The following DTL variants were observed in gnomAD, a reference collection of about 807,000 sequenced individuals.
DTL encodes denticleless E3 ubiquitin protein ligase adapter.
DTL carries 46 observed loss-of-function variants against 87.0 expected under a neutral mutation model. That is an observed-to-expected ratio of 0.53 (90% CI 0.42 to 0.68). The LOEUF is 0.68. Ranked by LOEUF, DTL falls within the 30% of genes least tolerant of loss-of-function variation. The pLI is 0.00. For missense variants in DTL, 737 were observed against 869.4 expected (o/e 0.85, Z 1.91); for synonymous variants, 308 against 311.2 (o/e 0.99, Z 0.11).
chr1:212,093,589 A>T (rs186739350), intron 13 of DTL, among the ~76,000 whole-genome samples: 1 of 152,296 alleles, frequency 6.6e-6, no homozygotes, highest in Admixed American at 6.5e-5. Flanking sequence ...AAACTGCATC[A>T]TTCCACCGGT....
At chr1:212,050,708 G>C (rs553083019) in intron 5 of DTL, among the ~76,000 whole-genome samples, 10 of 108,720 alleles carry the variant, frequency 9.2e-5, no homozygotes, top group Admixed American at 8.3e-4. Flanking sequence ...TCTATTGGCT[G>C]TTTCTCCTTA....
rs553947506 is a variant in DTL, at chr1:212,090,778, A to G, written c.1262-9474A>G. ...GTAAAATAAAGTGGGAAGCCATGTG[A>G]GGCCTGATAACCTTAACAAATAATT... On this transcript the variant is annotated intron_variant, in intron 13 of 14. Coordinates refer to ENST00000366991, the MANE Select transcript of DTL (RefSeq NM_016448.4). 3.9e-5 allele frequency among the ~76,000 whole-genome samples: 6 copies of G among 152,362 alleles called. No homozygotes were observed. The East Asian group carries it at 7.7e-4, about 20-fold the overall frequency.
chr1:212,052,966 C>T (rs1486781091), intron 5 of DTL, among the ~76,000 whole-genome samples: 3 of 152,110 alleles, frequency 2.0e-5, no homozygotes, highest in South Asian at 2.1e-4. Context: ...GAAACTTGAA[C>T]GCATTAGCAG....
intron 5 of DTL, among the ~76,000 whole-genome samples, chr1:212,058,369 A>G (rs995653933): frequency 6.6e-6 from 1 of 152,180 alleles, no homozygotes; most frequent in African/African-American, 2.4e-5. Context: ...TCAGACCACA[A>G]TGGAATAAAA....
chr1:212,078,165 TG>T lies in DTL; in HGVS notation c.1036-6del, dbSNP rs1654888497. On this transcript the variant is annotated splice_polypyrimidine_tract_variant and splice_region_variant and intron_variant, in intron 11 of 14. Coordinates refer to ENST00000366991, the MANE Select transcript of DTL (RefSeq NM_016448.4). ...CTTTGCTGACTTGTTTGTTTTTGAT[TG>T]GACTAGGTCTCCACACCCTGGCAAC... 6.4e-7 allele frequency: 1 copy of T among 1,565,920 alleles called. No individual in the cohort carries two copies. The highest frequency in any genetic ancestry group is 8.8e-7 in the Non-Finnish European group (1 of 1,137,978).
At chr1:212,098,844 A>G (rs184520752) in intron 13 of DTL, among the ~76,000 whole-genome samples, 47 of 152,206 alleles carry the variant, frequency 3.1e-4, no homozygotes, top group African/African-American at 8.9e-4. Flanking sequence ...GAAAGCAAGC[A>G]GGGCTGTTAG....
At chr1:212,088,963 G>A (rs933026549) in intron 13 of DTL, among the ~76,000 whole-genome samples, 2 of 152,170 alleles carry the variant, frequency 1.3e-5, no homozygotes, top group African/African-American at 2.4e-5. Flanking sequence ...GCACACGCCT[G>A]TAATCCCAGC....
intron 13 of DTL, 56 bp downstream of exon 13, chr1:212,080,806 A>G (rs1654970024): frequency 6.4e-7 from 1 of 1,562,942 alleles, no homozygotes; most frequent in African/African-American, 1.4e-5. Flanking sequence ...TTAGTCCGAC[A>G]GTACAGAGTA....
At position 212,085,728 on chromosome 1, in the gene DTL, C is replaced by T. The variant is rs150700622; in HGVS notation, c.1261+4978C>T. On this transcript the variant is annotated intron_variant, in intron 13 of 14. Coordinates refer to ENST00000366991, the MANE Select transcript of DTL (RefSeq NM_016448.4). ...GAAACTATTGCCTCTTCTGAGGTAA[C>T]AAGGATTTACTCCAATGCTTTCTTC... Among the ~76,000 whole-genome samples, 79 of 152,278 alleles carry T rather than the reference C, an allele frequency of 5.2e-4. No individual in the cohort carries two copies. In the East Asian group the frequency reaches 0.014, roughly 28 times the overall value.
intron 6 of DTL, among the ~76,000 whole-genome samples, chr1:212,063,273 AT>A (rs573387443): frequency 2.0e-5 from 3 of 150,648 alleles, no homozygotes; most frequent in African/African-American, 4.9e-5. Context: ...GTTTTTAAGA[AT>A]TTTTTTTATT....
intron 13 of DTL, among the ~76,000 whole-genome samples, chr1:212,083,354 T>C (rs973147024): frequency 1.7e-4 from 26 of 152,008 alleles, no homozygotes; most frequent in African/African-American, 6.0e-4. Context: ...CCACAACACA[T>C]GGGAATTCAA....
chr1:212,062,719 T>A (rs2102548133), intron 5 of DTL, among the ~76,000 whole-genome samples, 165 bp from the exon 6 acceptor site: 1 of 152,342 alleles, frequency 6.6e-6, no homozygotes, highest in South Asian at 2.1e-4. Context: ...CTCTTCATAA[T>A]CCTTTTTCCT....
chr1:212,072,297 T>C, intron 11 of DTL, 84 bp downstream of exon 11: 11 of 1,023,078 alleles, frequency 1.1e-5, no homozygotes, highest in Non-Finnish European at 1.7e-5. Context: ...ATAAGTTTAA[T>C]GTAACCACGT....
chr1:212,091,510 G>T (rs1288662721), intron 13 of DTL, among the ~76,000 whole-genome samples: 2 of 152,168 alleles, frequency 1.3e-5, no homozygotes, highest in African/African-American at 4.8e-5. Context: ...AATGTTCACT[G>T]CAGCACTATT....
intron 5 of DTL, among the ~76,000 whole-genome samples, chr1:212,058,485 C>T (rs1668245942): frequency 6.6e-6 from 1 of 151,942 alleles, no homozygotes; most frequent in Admixed American, 6.6e-5. Flanking sequence ...GAAATTTTTA[C>T]AATTCTTGAA....
At position 212,035,762 on chromosome 1, in the gene DTL, G is replaced by A. The variant is rs562016206; in HGVS notation, c.-129G>A. 2.4e-5 allele frequency: 22 copies of A among 916,934 alleles called. No homozygotes were observed. In the East Asian group the frequency reaches 2.7e-4, roughly 11 times the overall value. The allele number at this position is 916,934 out of a possible 1,614,324, so 56.8% of individuals were successfully genotyped here. ...CAGTTTGGCGCGGAGTTTGGCGGCC[G>A]GGGCTTACAGTGGCGGGAGTTGGAG... is the stretch of plus-strand genomic sequence containing the variant. On this transcript the variant is annotated 5_prime_UTR_variant, in exon 1 of 15. Coordinates refer to ENST00000366991, the MANE Select transcript of DTL (RefSeq NM_016448.4).
At chr1:212,037,077 C>T (rs1667495776) in intron 1 of DTL, among the ~76,000 whole-genome samples, 1 of 152,104 alleles carries the variant, frequency 6.6e-6, no homozygotes, top group African/African-American at 2.4e-5. Flanking sequence ...CTTCTTTGTC[C>T]TCTGTTTAAG....
chr1:212,103,021 C>T lies in DTL; in HGVS notation c.*81C>T. ...GTCCACTAAAACAAGATGAAAAATA[C>T]AAGAGTGACTCTATAACTCTGGTCT... On this transcript the variant is annotated 3_prime_UTR_variant, in exon 15 of 15. Coordinates refer to ENST00000366991, the MANE Select transcript of DTL (RefSeq NM_016448.4). 2 of 779,080 alleles carry T rather than the reference C, an allele frequency of 2.6e-6. No individual in the cohort carries two copies. Among genetic ancestry groups the T allele is most frequent in the African/African-American group, 3.5e-5 (2 of 56,716 alleles). 48.3% of individuals were successfully genotyped at this position (779,080 alleles called of 1,614,324 possible).
intron 13 of DTL, among the ~76,000 whole-genome samples, chr1:212,085,550 C>T (rs1655108374): frequency 1.3e-5 from 2 of 151,996 alleles, no homozygotes; most frequent in African/African-American, 2.4e-5. Context: ...GACATAAGTC[C>T]CTTATCATGT....
Sources: allele counts gnomAD v4.1 joint callset (sites outside exome capture counted in the v4.1 genomes callset), GRCh38; gene constraint gnomAD v4.1.1; transcripts MANE v1.5; gene names NCBI Gene and HGNC (gene_info 2026-07-23, HGNC 2026-07-21).